CDCA8: variants seen among roughly 807,000 people sequenced by gnomAD.
CDCA8 encodes cell division cycle associated 8, also known as borealin.
CDCA8 carries 25 observed loss-of-function variants against 40.0 expected under a neutral mutation model. That is an observed-to-expected ratio of 0.63 (90% CI 0.46 to 0.87). CDCA8 has a LOEUF of 0.87. Ranked by LOEUF, CDCA8 falls within the 40% of genes least tolerant of loss-of-function variation. The pLI is 0.00. For synonymous variants in CDCA8, 111 were observed against 126.5 expected, an observed-to-expected ratio of 0.88 and a Z score of 0.82; for missense variants, 280 against 348.4, an observed-to-expected ratio of 0.80 and a Z score of 1.56.
At chr1:37,699,836 C>T (rs909249809) in intron 4 of CDCA8, among the ~76,000 whole-genome samples, 6 of 151,832 alleles carry the variant, frequency 4.0e-5, no homozygotes, top group East Asian at 1.9e-4. Flanking sequence ...AGGAGAATGG[C>T]GTGAACCCGG....
At chr1:37,703,197 C>A in intron 6 of CDCA8, 55 bp from the exon 7 acceptor site, 1 of 1,357,094 alleles carries the variant, frequency 7.4e-7, no homozygotes, top group Non-Finnish European at 1.1e-6. Flanking sequence ...TCCTCTGCTG[C>A]TGCCTTCGTG....
chr1:37,700,792 G>A (rs1238523896), intron 5 of CDCA8, among the ~76,000 whole-genome samples: 1 of 152,212 alleles, frequency 6.6e-6, no homozygotes, highest in African/African-American at 2.4e-5. Flanking sequence ...AAGAGGAACA[G>A]TATTCAGGAT....
At position 37,693,047 on chromosome 1, in the gene CDCA8, A is replaced by C. The variant is rs1398355845; in HGVS notation, c.223+14A>C. ...TTGACTACTTCGGTAAGAGCTGGAG[A>C]GCTTCCCTGGGCGGAGGCCAGGAGC... On this transcript the variant is annotated intron_variant, in intron 2 of 9. Coordinates refer to ENST00000373055, the MANE Select transcript of CDCA8 (RefSeq NM_001256875.2). The C allele has an allele frequency of 6.2e-7, 1 of 1,612,466 alleles. No individual in the cohort carries two copies. The highest frequency in any genetic ancestry group is 8.5e-7 in the Non-Finnish European group (1 of 1,179,004).
chr1:37,709,220 T>TAAC lies in CDCA8; in HGVS notation c.*855_*857dup, dbSNP rs1349059079. 6.6e-6 allele frequency: 1 copy of TAAC among 152,246 alleles called. No individual in the cohort carries two copies. Among genetic ancestry groups the TAAC allele is most frequent in the African/African-American group, 2.4e-5 (1 of 41,460 alleles). 9.4% of individuals were successfully genotyped at this position (152,246 alleles called of 1,614,324 possible). On this transcript the variant is annotated 3_prime_UTR_variant, in exon 10 of 10. Coordinates refer to ENST00000373055, the MANE Select transcript of CDCA8 (RefSeq NM_001256875.2). ...AGGTTTTATGTCATTGGCCACAGAA[T>TAAC]AACTGTCTCTAAGCTATCCATGGTC...
At position 37,708,547 on chromosome 1, in the gene CDCA8, C is replaced by T; in HGVS notation, c.*181C>T. 1 of 620,566 alleles carries T rather than the reference C, an allele frequency of 1.6e-6. No individual in the cohort carries two copies. 38.4% of individuals were successfully genotyped at this position (620,566 alleles called of 1,614,324 possible). On this transcript the variant is annotated 3_prime_UTR_variant, in exon 10 of 10. Transcript: ENST00000373055. ...CAGTTAGGTAGAGCTGTCTGTTCAC[C>T]CTCCCATCCCAGCTGATCCCAGTCA...
chr1:37,707,959 A>T (rs1645613675), intron 9 of CDCA8, among the ~76,000 whole-genome samples: 1 of 152,210 alleles, frequency 6.6e-6, no homozygotes, highest in South Asian at 2.1e-4. Context: ...CCTTACCCTC[A>T]TCCTTCTGTG....
At position 37,707,734 on chromosome 1, in the gene CDCA8, T is replaced by C. The variant is rs117476141; in HGVS notation, c.799-588T>C. Among the ~76,000 whole-genome samples the C allele has an allele frequency of 1.5e-3, 236 of 152,308 alleles. 8 individuals carry two copies. In the East Asian group the frequency reaches 0.035, roughly 22 times the overall value. ...GCTCAGGAGGCTCAGGTGAGAGAAA[T>C]TGTTTGAGCCCATGAGTTCAAGGCT... On this transcript the variant is annotated intron_variant, in intron 9 of 9. Transcript: ENST00000373055.
At position 37,693,812 on chromosome 1, in the gene CDCA8, T is replaced by C. The variant is rs182558130; in HGVS notation, c.223+779T>C. The stretch of plus-strand genomic sequence containing the variant: ...TAGAAGAATAACCCGAAGCAGCTCC[T>C]TCTGCAGCTTATGGAAATTGCTAAC... On this transcript the variant is annotated intron_variant, in intron 2 of 9. Coordinates refer to ENST00000373055, the MANE Select transcript of CDCA8 (RefSeq NM_001256875.2). Among the ~76,000 whole-genome samples the C allele has an allele frequency of 3.5e-3, 528 of 152,336 alleles. 1 individual carries two copies. The highest frequency in any genetic ancestry group is 0.012 in the African/African-American group (512 of 41,576).
intron 6 of CDCA8, 129 bp from the exon 7 acceptor site, chr1:37,703,123 C>T (rs1570281499): frequency 4.1e-6 from 3 of 738,408 alleles, no homozygotes; most frequent in Non-Finnish European, 7.5e-6. Context: ...TTAGAAGGGT[C>T]ACGTGAGTCG....
chr1:37,695,345 T>C (rs1208214343), intron 2 of CDCA8, among the ~76,000 whole-genome samples: 1 of 113,146 alleles, frequency 8.8e-6, no homozygotes, highest in Non-Finnish European at 1.7e-5. Flanking sequence ...CTGGGCAACA[T>C]AGCAGGAGAC....
Position 37,709,578 on chromosome 1 carries a change from G to C in CDCA8, c.*1212G>C, listed in dbSNP as rs1375327972. 2.0e-5 allele frequency: 3 copies of C among 152,228 alleles called. No individual in the cohort carries two copies. Among genetic ancestry groups the C allele is most frequent in the Admixed American group, 2.0e-4 (3 of 15,290 alleles). The allele number at this position is 152,228 out of a possible 1,614,324, so 9.4% of individuals were successfully genotyped here. On this transcript the variant is annotated 3_prime_UTR_variant, in exon 10 of 10. Transcript: ENST00000373055. ...TTAGTAAAACAGTCCTGTTCAAGTT[G>C]TATTCTTTTAAGTTCTTTTATTCTC...
Position 37,708,473 on chromosome 1 carries a change from C to A in CDCA8, c.*107C>A. Reference sequence around the variant, plus strand: ...GAGTGTGAAGTTCCAGAGCAAGGAGCCATGTTCCTCTAAGGGAATTCAGGA... The same window carrying A: ...GAGTGTGAAGTTCCAGAGCAAGGAGACATGTTCCTCTAAGGGAATTCAGGA... On this transcript the variant is annotated 3_prime_UTR_variant, in exon 10 of 10. Transcript: ENST00000373055. 9.2e-7 allele frequency: 1 copy of A among 1,081,708 alleles called. No homozygotes were observed. 67.0% of individuals were successfully genotyped at this position (1,081,708 alleles called of 1,614,324 possible).
chr1:37,706,107 CTTT>C (rs36029061), intron 8 of CDCA8, among the ~76,000 whole-genome samples: 1,382 of 107,684 alleles, frequency 0.013, 22 homozygotes, highest in East Asian at 0.043. Context: ...CCGTGCCCAC[CTTT>C]TTTTTTTTTT....
chr1:37,701,982 G>T (rs1469325084), intron 6 of CDCA8, among the ~76,000 whole-genome samples, 164 bp downstream of exon 6: 1 of 150,932 alleles, frequency 6.6e-6, no homozygotes, highest in South Asian at 2.1e-4. Flanking sequence ...CTCTAGAAAT[G>T]ACCTAAACCA....
chr1:37,697,637 G>A (rs523345), intron 3 of CDCA8, among the ~76,000 whole-genome samples: 24 of 152,306 alleles, frequency 1.6e-4, no homozygotes, highest in African/African-American at 4.3e-4. Context: ...GATGCCAACC[G>A]AGGCCAGGCT....
intron 3 of CDCA8, among the ~76,000 whole-genome samples, chr1:37,698,570 C>T (rs577720719): frequency 6.6e-6 from 1 of 152,352 alleles, no homozygotes; most frequent in African/African-American, 2.4e-5. Context: ...ATGCATGTAT[C>T]TGTGAGCACA....
chr1:37,704,890 C>T (rs546786101), intron 7 of CDCA8, among the ~76,000 whole-genome samples: 2 of 150,338 alleles, frequency 1.3e-5, no homozygotes, highest in East Asian at 3.9e-4. Context: ...TCAGGTGATC[C>T]ACCCCCCTCG....
chr1:37,704,592 G>C (rs1027724254), intron 7 of CDCA8, among the ~76,000 whole-genome samples: 1 of 151,034 alleles, frequency 6.6e-6, no homozygotes, highest in African/African-American at 2.4e-5. Flanking sequence ...GTTATCTCTG[G>C]TGTGGGGAAG....
intron 2 of CDCA8, among the ~76,000 whole-genome samples, chr1:37,693,684 C>T (rs1488603006): frequency 6.6e-6 from 1 of 152,094 alleles, no homozygotes; most frequent in Non-Finnish European, 1.5e-5. Flanking sequence ...CAGGAGTCAG[C>T]CACTGCGCCC....
Sources: gnomAD v4.1 joint callset for allele counts (sites outside exome capture counted in the v4.1 genomes callset) on GRCh38, gnomAD v4.1.1 for gene constraint, MANE v1.5 for transcripts, NCBI Gene and HGNC (gene_info 2026-07-23, HGNC 2026-07-21) for gene names.